Variants in MCC observed in about 807,000 individuals in gnomAD.
MCC encodes the protein colorectal mutant cancer protein.
Under a neutral mutation model 116.2 loss-of-function variants are expected in MCC, and 90 were observed. The ratio of observed to expected loss-of-function variants is 0.77; its 90% CI spans 0.65 to 0.92. The LOEUF is 0.92. MCC is among the 40% of genes least tolerant of loss of function. The pLI is 0.00. For synonymous variants in MCC, 578 were observed against 510.5 expected, an observed-to-expected ratio of 1.13 and a Z score of -1.78; for missense variants, 1,516 against 1,312.2, an observed-to-expected ratio of 1.16 and a Z score of -2.40.
chr5:113,316,247 C>G (rs1029086316), intron 3 of MCC, among the ~76,000 whole-genome samples: 2 of 130,132 alleles, frequency 1.5e-5, no homozygotes, highest in African/African-American at 3.5e-5. Context: ...CAGAGAGAGA[C>G]TCTGTCTCAA....
chr5:113,402,314 C>T (rs59195845), intron 1 of MCC, among the ~76,000 whole-genome samples: 24,097 of 137,296 alleles, frequency 0.18, 2,279 homozygotes, highest in Non-Finnish European at 0.22. Flanking sequence ...AAAAAAAACA[C>T]ACTCAGCTAA....
chr5:113,469,687 T>G (rs556867589), intron 1 of MCC, among the ~76,000 whole-genome samples: 1 of 152,330 alleles, frequency 6.6e-6, no homozygotes, highest in East Asian at 1.9e-4. Flanking sequence ...GTTCTGTAGA[T>G]GTCTATTAGG....
At chr5:113,112,647 G>T (rs539267709) in intron 6 of MCC, among the ~76,000 whole-genome samples, 1 of 152,268 alleles carries the variant, frequency 6.6e-6, no homozygotes, top group East Asian at 1.9e-4. Context: ...TTTCCAGGAA[G>T]CCTTCCCAGC....
intron 14 of MCC, among the ~76,000 whole-genome samples, chr5:113,054,433 TA>T (rs1752680515): frequency 1.3e-5 from 2 of 152,200 alleles, no homozygotes. Context: ...GGTCAGAACT[TA>T]AAAAAGGTAT....
intron 1 of MCC, among the ~76,000 whole-genome samples, chr5:113,437,769 A>G (rs1195385045): frequency 6.6e-6 from 1 of 152,144 alleles, no homozygotes; most frequent in Non-Finnish European, 1.5e-5. Flanking sequence ...CCTTATCTAT[A>G]TCCCAGATAG....
In MCC at chr5:113,488,383, C is replaced by CGCTG; in HGVS notation, c.31_32insCAGC (p.Gly11AlafsTer50). On this transcript the variant is annotated frameshift_variant, in exon 1 of 19. Coordinates refer to ENST00000408903, the MANE Select transcript of MCC (RefSeq NM_001085377.2). LOFTEE classifies it high-confidence loss of function. Reference sequence around the variant, plus strand: ...GCCGCCGCCGCCGCTGCTGGAGCTCCCCGCAGCCGCTGCCGCCGCGGCCGC... The same window carrying CGCTG: ...GCCGCCGCCGCCGCTGCTGGAGCTCCGCTGCCGCAGCCGCTGCCGCCGCGGCCGC... The CGCTG allele has an allele frequency of 7.0e-7, 1 of 1,431,004 alleles. No homozygotes were observed. Among genetic ancestry groups the CGCTG allele is most frequent in the South Asian group, 1.6e-5 (1 of 62,872 alleles). 88.6% of individuals were successfully genotyped at this position (1,431,004 alleles called of 1,614,324 possible). A position where few individuals can be genotyped will look rare whatever the true frequency, so the allele number is the denominator to read the frequency against.
intron 1 of MCC, among the ~76,000 whole-genome samples, chr5:113,478,236 T>G (rs185558363): frequency 2.4e-4 from 36 of 152,268 alleles, no homozygotes; most frequent in Admixed American, 2.0e-3. Flanking sequence ...TGACAGACAC[T>G]TTAGTTGGTT....
In MCC at chr5:113,063,912, C is replaced by G. The variant is rs559195923; in HGVS notation, c.2213+72G>C. On this transcript the variant is annotated intron_variant, in intron 14 of 18. Transcript: ENST00000408903. Reference sequence around the variant, plus strand: ...CACACAGTCCCCAAGAGCTGGGTCACTGCACACCAAGTCCAGTGAACAGAT... The same window carrying G: ...CACACAGTCCCCAAGAGCTGGGTCAGTGCACACCAAGTCCAGTGAACAGAT... The G allele has an allele frequency of 1.0e-5, 15 of 1,505,150 alleles. No homozygotes were observed. The South Asian group carries it at 2.0e-4, about 20-fold the overall frequency. 93.2% of individuals were successfully genotyped at this position (1,505,150 alleles called of 1,614,324 possible).
At position 113,359,504 on chromosome 5, in the gene MCC, C is replaced by G. The variant is rs561520203; in HGVS notation, c.416-18774G>C. 1.1e-4 allele frequency among the ~76,000 whole-genome samples: 17 copies of G among 152,338 alleles called. No homozygotes were observed. The East Asian group carries it at 2.5e-3, about 22-fold the overall frequency. ...CAGACTTTAAAATTCTCCTCCAGCT[C>G]TAGCTTCTGTTGTTCTGTTCTTCAT... is the stretch of plus-strand genomic sequence containing the variant. On this transcript the variant is annotated intron_variant, in intron 2 of 18. Transcript: ENST00000408903.
chr5:113,176,489 C>T (rs1191344574), intron 3 of MCC, among the ~76,000 whole-genome samples: 1 of 152,234 alleles, frequency 6.6e-6, no homozygotes, highest in Non-Finnish European at 1.5e-5. Flanking sequence ...ACACACAGAG[C>T]AAGACACTGT....
At chr5:113,106,743 T>C (rs1301607581) in intron 6 of MCC, among the ~76,000 whole-genome samples, 1 of 152,170 alleles carries the variant, frequency 6.6e-6, no homozygotes, top group East Asian at 1.9e-4. Context: ...TATTTTTGTG[T>C]AGACACAGGG....
intron 5 of MCC, among the ~76,000 whole-genome samples, chr5:113,135,313 G>C (rs1172203518): frequency 6.7e-6 from 1 of 149,418 alleles, no homozygotes; most frequent in Non-Finnish European, 1.5e-5. Context: ...CCAGCACTTT[G>C]GGAGGCCGAG....
At chr5:113,106,457 T>C (rs1218163727) in intron 6 of MCC, among the ~76,000 whole-genome samples, 1 of 152,160 alleles carries the variant, frequency 6.6e-6, no homozygotes, top group Admixed American at 6.5e-5. Flanking sequence ...CCCTGGAATA[T>C]GCCAAACTCC....
chr5:113,407,981 G>C (rs1319802525), intron 1 of MCC, among the ~76,000 whole-genome samples: 1 of 152,120 alleles, frequency 6.6e-6, no homozygotes, highest in African/African-American at 2.4e-5. Context: ...TAGAATTTAG[G>C]TCTCCTAACT....
intron 7 of MCC, among the ~76,000 whole-genome samples, chr5:113,103,140 G>T (rs72803246): frequency 7.3e-5 from 11 of 151,716 alleles, no homozygotes; most frequent in East Asian, 1.9e-4. Flanking sequence ...ATAATAAAAA[G>T]AATAAAGAAA....
At chr5:113,206,719 A>C (rs1762927625) in intron 3 of MCC, among the ~76,000 whole-genome samples, 1 of 152,222 alleles carries the variant, frequency 6.6e-6, no homozygotes, top group Non-Finnish European at 1.5e-5. Context: ...AAAAATAAAT[A>C]AAAATAAAAT....
chr5:113,053,061 C>G (rs923443656), intron 15 of MCC, among the ~76,000 whole-genome samples: 2 of 152,210 alleles, frequency 1.3e-5, no homozygotes, highest in African/African-American at 2.4e-5. Flanking sequence ...ACACCAGAAA[C>G]AGGCAAAGTG....
rs77021639 is a variant in MCC, at chr5:113,183,365, A to G, written c.628-31943T>C. On this transcript the variant is annotated intron_variant, in intron 3 of 18. Transcript: ENST00000408903. ...TTTCAATATGTGCAACTTAATTCAA[A>G]TCTATCTTTTCTTCCTTCAGGTACC... Among the ~76,000 whole-genome samples the G allele has an allele frequency of 8.2e-3, 1,244 of 152,284 alleles. 45 individuals carry two copies. The highest frequency in any genetic ancestry group is 0.078 in the East Asian group (406 of 5,192).
At chr5:113,225,847 T>C (rs1256833162) in intron 3 of MCC, among the ~76,000 whole-genome samples, 1 of 152,148 alleles carries the variant, frequency 6.6e-6, no homozygotes, top group East Asian at 1.9e-4. Flanking sequence ...AAGGTTAAAG[T>C]GAGAGAGCTG....
Sources: allele counts gnomAD v4.1 joint callset (sites outside exome capture counted in the v4.1 genomes callset), GRCh38; gene constraint gnomAD v4.1.1; transcripts MANE v1.5; gene names NCBI Gene and HGNC (gene_info 2026-07-23, HGNC 2026-07-21).